Variants in GPHN observed in about 807,000 individuals in gnomAD.
The protein encoded by GPHN is gephyrin.
GPHN carries 17 observed loss-of-function variants against 95.5 expected under a neutral mutation model. The ratio of observed to expected loss-of-function variants is 0.18; its 90% confidence interval spans 0.12 to 0.27. GPHN has a LOEUF of 0.27. GPHN is among the 10% of genes least tolerant of loss of function. GPHN has a pLI of 1.00. For synonymous variants in GPHN, 320 were observed against 322.5 expected (o/e 0.99, Z 0.08); for missense variants, 660 against 978.1 (o/e 0.67, Z 4.34).
intron 1 of GPHN, among the ~76,000 whole-genome samples, chr14:66,611,168 G>A (rs1280321848): frequency 2.0e-5 from 3 of 152,080 alleles, no homozygotes; most frequent in Non-Finnish European, 4.4e-5. Flanking sequence ...TATACTTCAA[G>A]AATATGCAGG....
intron 2 of GPHN, among the ~76,000 whole-genome samples, chr14:66,758,151 T>TA (rs2058633105): frequency 1.3e-5 from 2 of 152,084 alleles, no homozygotes; most frequent in Admixed American, 6.5e-5. Context: ...ATATATAAAG[T>TA]AGGTGAAGGT....
intron 5 of GPHN, among the ~76,000 whole-genome samples, chr14:66,891,305 C>T (rs2153540722): frequency 6.6e-6 from 1 of 151,902 alleles, no homozygotes; most frequent in Non-Finnish European, 1.5e-5. Context: ...AAAATAAAAT[C>T]AAGAAAATGG....
the GPHN span, chr14:67,725,166 G>A: frequency 6.2e-7 from 1 of 1,614,138 alleles, no homozygotes; most frequent in Non-Finnish European, 8.5e-7. Context: ...AAATCCGAGT[G>A]GATACAAAGA....
At chr14:66,901,327 G>C (rs1446252922) in intron 5 of GPHN, among the ~76,000 whole-genome samples, 1 of 151,858 alleles carries the variant, frequency 6.6e-6, no homozygotes. Flanking sequence ...CCATTCTGTG[G>C]GTTGTCTCTT....
chr14:66,555,508 C>T (rs898221616), intron 1 of GPHN, among the ~76,000 whole-genome samples: 24 of 152,178 alleles, frequency 1.6e-4, no homozygotes, highest in South Asian at 2.1e-4. Flanking sequence ...CCGCAACCCA[C>T]GCTGCCTTTT....
intron 8 of GPHN, among the ~76,000 whole-genome samples, chr14:66,932,980 A>G (rs1170364961): frequency 6.6e-6 from 1 of 152,174 alleles, no homozygotes; most frequent in Non-Finnish European, 1.5e-5. Flanking sequence ...ATGATTGTAA[A>G]ACTGTTCTAA....
intron 2 of GPHN, among the ~76,000 whole-genome samples, chr14:66,710,021 G>C (rs767383387): frequency 1.8e-4 from 27 of 152,066 alleles, no homozygotes; most frequent in Non-Finnish European, 3.1e-4. Context: ...ATGTTGGAGG[G>C]AGGGGAATTT....
At chr14:67,579,117 C>T in the GPHN span, 1 of 1,341,708 alleles carries the variant, frequency 7.5e-7, no homozygotes, top group Non-Finnish European at 1.0e-6. Flanking sequence ...TAATACTCCC[C>T]TCTTCCGTCT....
chr14:66,959,584 T>A (rs2068759978), intron 8 of GPHN, among the ~76,000 whole-genome samples: 1 of 152,146 alleles, frequency 6.6e-6, no homozygotes, highest in African/African-American at 2.4e-5. Context: ...ATTTTGACCA[T>A]ATCATTCCAC....
At chr14:66,854,845 C>CT (rs139745978) in intron 4 of GPHN, among the ~76,000 whole-genome samples, 3,456 of 140,798 alleles carry the variant, frequency 0.025, 60 homozygotes, top group Admixed American at 0.033. Flanking sequence ...CTATTTTAGC[C>CT]TTTTTTTTTT....
chr14:66,541,041 G>A (rs569718639), intron 1 of GPHN, among the ~76,000 whole-genome samples: 78 of 152,042 alleles, frequency 5.1e-4, no homozygotes, highest in Non-Finnish European at 8.5e-4. Context: ...TCTGCCTCCC[G>A]GGTTCAAGTG....
rs535887955 is a variant in GPHN at position 67,052,091 on chromosome 14, G to T, written c.1007-6558G>T. ...TAACCAGCTAGCATCATGATGACAGGATCAAATTCACAAATATATTAACCT... is the reference window on the plus strand; with the variant it reads ...TAACCAGCTAGCATCATGATGACAGTATCAAATTCACAAATATATTAACCT... On this transcript the variant is annotated intron_variant, in intron 10 of 22. Coordinates refer to ENST00000478722, the MANE Select transcript of GPHN (RefSeq NM_020806.5). Among the ~76,000 whole-genome samples the T allele has an allele frequency of 8.5e-5, 13 of 152,184 alleles. No homozygotes were observed. The East Asian group carries it at 2.3e-3, about 27-fold the overall frequency.
intron 4 of GPHN, among the ~76,000 whole-genome samples, chr14:66,827,393 A>G (rs1167488085): frequency 6.6e-6 from 1 of 152,058 alleles, no homozygotes; most frequent in African/African-American, 2.4e-5. Context: ...GAGTTCTATA[A>G]TAAGTCAGGA....
chr14:67,666,716 C>T, the GPHN span, among the ~76,000 whole-genome samples: 2 of 152,184 alleles, frequency 1.3e-5, no homozygotes, highest in Non-Finnish European at 2.9e-5. Context: ...ACTGAGGACA[C>T]TAGACCCTGG....
the GPHN span, among the ~76,000 whole-genome samples, chr14:67,542,707 A>ATTTG: frequency 3.3e-5 from 5 of 149,676 alleles, no homozygotes; most frequent in East Asian, 1.0e-3. Flanking sequence ...TATTTTATTT[A>ATTTG]TTCATTTATT....
At chr14:67,245,813 A>G in the GPHN span, among the ~76,000 whole-genome samples, 1 of 150,962 alleles carries the variant, frequency 6.6e-6, no homozygotes, top group East Asian at 1.9e-4. Flanking sequence ...AAATTTGAAT[A>G]TTGTATCTAA....
the GPHN span, chr14:67,684,914 A>C: frequency 1.1e-6 from 1 of 896,604 alleles, no homozygotes; most frequent in Non-Finnish European, 1.7e-6. Context: ...GACAAAAGCT[A>C]TATGAGACAA....
chr14:66,782,530 A>G (rs1464392476), intron 3 of GPHN, among the ~76,000 whole-genome samples: 1 of 152,160 alleles, frequency 6.6e-6, no homozygotes, highest in Non-Finnish European at 1.5e-5. Context: ...AAACATAGAA[A>G]GATTCTGGGC....
At chr14:66,949,464 G>A (rs2067961996) in intron 8 of GPHN, among the ~76,000 whole-genome samples, 1 of 152,130 alleles carries the variant, frequency 6.6e-6, no homozygotes, top group Admixed American at 6.5e-5. Context: ...AGGATTTATA[G>A]AAAATGCAGC....
Sources: allele counts gnomAD v4.1 joint callset (sites outside exome capture counted in the v4.1 genomes callset), GRCh38; gene constraint gnomAD v4.1.1; transcripts MANE v1.5; gene names NCBI Gene and HGNC (gene_info 2026-07-23, HGNC 2026-07-21).